NBEA: variants seen among roughly 807,000 people sequenced by gnomAD.
NBEA encodes the protein lysosomal-trafficking regulator 2.
NBEA carries 44 observed loss-of-function variants against 343.4 expected under a neutral mutation model. The observed-to-expected ratio is 0.13, with a 90% CI of 0.10 to 0.16. NBEA has a LOEUF of 0.16. Among genes scored for constraint, NBEA ranks in the 10% least tolerant of loss-of-function variants. The probability of loss-of-function intolerance (pLI) is 1.00; values close to 1 mark genes in which losing one functional copy is unlikely to be tolerated. For synonymous variants in NBEA, 1,175 were observed against 1,238.7 expected (o/e 0.95, Z 1.08); for missense variants, 2,555 against 3,631.3 (o/e 0.70, Z 7.62).
chr13:35,137,300 A>G (rs1280425549), intron 17 of NBEA, among the ~76,000 whole-genome samples: 1 of 152,124 alleles, frequency 6.6e-6, no homozygotes, highest in African/African-American at 2.4e-5. Flanking sequence ...AATACAAACA[A>G]TTAGCTGGGT....
At chr13:35,492,317 G>A (rs907339561) in intron 41 of NBEA, among the ~76,000 whole-genome samples, 1 of 151,820 alleles carries the variant, frequency 6.6e-6, no homozygotes, top group Non-Finnish European at 1.5e-5. Flanking sequence ...AATACCACCT[G>A]TTCCCCAAAA....
chr13:35,081,686 G>C (rs988304275), intron 10 of NBEA, among the ~76,000 whole-genome samples: 5 of 151,952 alleles, frequency 3.3e-5, no homozygotes, highest in Admixed American at 6.6e-5. Context: ...CATTTGCAAA[G>C]AACAGAAGAT....
rs558007293 is a variant in NBEA at position 35,352,098 on chromosome 13, A to G, written c.6013-59A>G. On this transcript the variant is annotated intron_variant, in intron 37 of 58. Coordinates refer to ENST00000379939, the MANE Select transcript of NBEA (RefSeq NM_001385012.1). ...TTACCGTTTAACTTAAATGTATATCATCCTTACTTATATGCAGTAAAAAGT... is the reference window on the plus strand; with the variant it reads ...TTACCGTTTAACTTAAATGTATATCGTCCTTACTTATATGCAGTAAAAAGT... 9.5e-6 allele frequency: 10 copies of G among 1,055,306 alleles called. No homozygotes were observed. In the Admixed American group the frequency reaches 1.1e-4, roughly 12 times the overall value. 65.4% of individuals were successfully genotyped at this position (1,055,306 alleles called of 1,614,324 possible).
chr13:35,426,000 G>A (rs562420676), intron 38 of NBEA, among the ~76,000 whole-genome samples: 7 of 152,164 alleles, frequency 4.6e-5, no homozygotes, highest in African/African-American at 1.2e-4. Flanking sequence ...CATTTGCTTG[G>A]TAGATCTTTC....
intron 38 of NBEA, among the ~76,000 whole-genome samples, chr13:35,373,896 A>C (rs765508277): frequency 2.6e-5 from 4 of 152,024 alleles, no homozygotes; most frequent in Admixed American, 1.3e-4. Flanking sequence ...AGGTGGAAGA[A>C]AACCCATGTA....
chr13:35,601,485 C>T (rs1319857445), intron 47 of NBEA, among the ~76,000 whole-genome samples: 1 of 151,900 alleles, frequency 6.6e-6, no homozygotes, highest in Admixed American at 6.6e-5. Flanking sequence ...AGATGGTGGC[C>T]GGATGTTGTG....
At chr13:35,036,345 T>G (rs2152553956) in intron 1 of NBEA, among the ~76,000 whole-genome samples, 1 of 152,266 alleles carries the variant, frequency 6.6e-6, no homozygotes, top group South Asian at 2.1e-4. Flanking sequence ...TATCTCATTA[T>G]ACTGCCTATG....
intron 1 of NBEA, among the ~76,000 whole-genome samples, chr13:35,013,467 C>T (rs953381245): frequency 1.3e-5 from 2 of 151,702 alleles, no homozygotes; most frequent in South Asian, 4.2e-4. Flanking sequence ...ATGAATTAAA[C>T]ATGTATCTTT....
intron 38 of NBEA, among the ~76,000 whole-genome samples, chr13:35,429,301 G>T (rs2044929961): frequency 6.6e-6 from 1 of 152,082 alleles, no homozygotes; most frequent in East Asian, 1.9e-4. Flanking sequence ...TACATGTCTG[G>T]GTTTCACACC....
intron 34 of NBEA, among the ~76,000 whole-genome samples, chr13:35,233,473 A>G (rs2152771553): frequency 6.6e-6 from 1 of 152,232 alleles, no homozygotes; most frequent in African/African-American, 2.4e-5. Context: ...TAGTTCAACT[A>G]CTTTCTTAGC....
At chr13:35,096,165 C>G (rs1369389922) in intron 10 of NBEA, among the ~76,000 whole-genome samples, 1 of 151,098 alleles carries the variant, frequency 6.6e-6, no homozygotes, top group Non-Finnish European at 1.5e-5. Context: ...TTTACTATTA[C>G]GTCCACCATG....
At chr13:35,300,976 C>T (rs968915658) in intron 35 of NBEA, among the ~76,000 whole-genome samples, 1 of 152,104 alleles carries the variant, frequency 6.6e-6, no homozygotes, top group African/African-American at 2.4e-5. Flanking sequence ...ATCTTTGCCA[C>T]TTTTACAACT....
chr13:34,957,124 T>G (rs1566089352), intron 1 of NBEA, among the ~76,000 whole-genome samples: 1 of 152,100 alleles, frequency 6.6e-6, no homozygotes, highest in Non-Finnish European at 1.5e-5. Context: ...ATAGTGATAT[T>G]TATTTAAAAA....
intron 41 of NBEA, chr13:35,474,956 ATTGT>A (rs2075796763): frequency 1.6e-6 from 2 of 1,246,224 alleles, no homozygotes; most frequent in African/African-American, 1.5e-5. Flanking sequence ...AAAGGAAGAG[ATTGT>A]TTGCACTGCG....
intron 38 of NBEA, among the ~76,000 whole-genome samples, chr13:35,405,722 G>A (rs2043235552): frequency 6.6e-6 from 1 of 152,016 alleles, no homozygotes; most frequent in Non-Finnish European, 1.5e-5. Flanking sequence ...ATTTCTAACA[G>A]TAATCAAATG....
At chr13:35,517,118 A>G (rs1407620993) in intron 41 of NBEA, among the ~76,000 whole-genome samples, 3 of 152,136 alleles carry the variant, frequency 2.0e-5, no homozygotes, top group African/African-American at 4.8e-5. Context: ...TTCTGCCCAC[A>G]TATTCCTTGA....
chr13:35,196,384 T>C, intron 31 of NBEA, 82 bp downstream of exon 31: 2 of 1,311,308 alleles, frequency 1.5e-6, no homozygotes, highest in Non-Finnish European at 2.0e-6. Flanking sequence ...ATAAGGAAGA[T>C]CTTGAAAACT....
chr13:35,442,139 A>G (rs2045772433), intron 39 of NBEA, among the ~76,000 whole-genome samples: 1 of 152,142 alleles, frequency 6.6e-6, no homozygotes, highest in Admixed American at 6.6e-5. Flanking sequence ...TCATCCACAT[A>G]AAGATAACTG....
chr13:35,421,601 T>C (rs1050927702), intron 38 of NBEA, among the ~76,000 whole-genome samples: 5 of 152,130 alleles, frequency 3.3e-5, no homozygotes, highest in Admixed American at 6.6e-5. Context: ...TTATAGATAG[T>C]CATGTTTTGC....
Sources: gnomAD v4.1 joint callset for allele counts (sites outside exome capture counted in the v4.1 genomes callset) on GRCh38, gnomAD v4.1.1 for gene constraint, MANE v1.5 for transcripts, NCBI Gene and HGNC (gene_info 2026-07-23, HGNC 2026-07-21) for gene names.